The following NLRC5 variants were observed in gnomAD, a reference collection of about 807,000 sequenced individuals.
The protein encoded by NLRC5 is protein NLRC5.
A neutral mutation model predicts 206.9 loss-of-function variants in NLRC5; 114 were observed. The observed-to-expected ratio is 0.55, with a 90% CI of 0.47 to 0.64. The LOEUF (loss-of-function observed/expected upper bound fraction) is 0.64, where lower values mean the gene tolerates loss of function less well. Ranked by LOEUF, NLRC5 falls within the 30% of genes least tolerant of loss-of-function variation. NLRC5 has a pLI of 0.00. For missense variants in NLRC5, 2,008 were observed against 2,305.5 expected (o/e 0.87, Z 2.64); for synonymous variants, 952 against 962.8 (o/e 0.99, Z 0.21).
intron 19 of NLRC5, 90 bp from the exon 20 acceptor site, chr16:57,043,424 AG>A: frequency 1.0e-6 from 1 of 978,272 alleles, no homozygotes; most frequent in Non-Finnish European, 1.7e-6. Flanking sequence ...ATCTGGAACC[AG>A]GGATCCCTCC....
Position 57,081,586 on chromosome 16 carries a change from AG to A in NLRC5, c.5469del (p.Ser1824LeufsTer21), listed in dbSNP as rs1225752093. On this transcript the variant is annotated frameshift_variant, in exon 48 of 49. Transcript: ENST00000688547. LOFTEE classifies it low-confidence loss of function (END_TRUNC). ...GAWLLAEGLA[Q>X]GSSIQVIRLW... Reference sequence around the variant, plus strand: ...TGGCTCCTGGCTGAAGGACTGGCCCAGGGGTCTAGCATCCAAGTCATCCGGT... The same window carrying A: ...TGGCTCCTGGCTGAAGGACTGGCCCAGGGTCTAGCATCCAAGTCATCCGGT... 1.2e-6 allele frequency: 2 copies of A among 1,613,944 alleles called. No individual in the cohort carries two copies. The highest frequency in any genetic ancestry group is 8.5e-7 in the Non-Finnish European group (1 of 1,179,968).
chr16:57,074,127 G>T, intron 38 of NLRC5: 1 of 158,794 alleles, frequency 6.3e-6, no homozygotes, highest in East Asian at 1.8e-4. Flanking sequence ...AAGTACAATC[G>T]CCTGGGTCAC....
At position 57,026,747 on chromosome 16, in the gene NLRC5, T is replaced by C. The variant is rs1023745981; in HGVS notation, c.1804T>C (p.Leu602=). The C allele has an allele frequency of 1.2e-6, 2 of 1,613,966 alleles. No individual in the cohort carries two copies. The highest frequency in any genetic ancestry group is 1.7e-6 in the Non-Finnish European group (2 of 1,179,912). Residue 602 remains leucine (L), a synonymous_variant, in exon 6 of 49, where the codon TTG becomes CTG. Transcript: ENST00000688547. The stretch of plus-strand genomic sequence containing the variant: ...TGCTGTAGTGCAGGTGTTGAAGAAG[T>C]TGGCCACCCGCAAGCTCACAGGGCC... The part of the protein sequence containing the change: ...QAAVVQVLKK[L]ATRKLTGPKV...
chr16:56,997,091 C>T (rs1428767894), intron 1 of NLRC5, among the ~76,000 whole-genome samples: 1 of 152,088 alleles, frequency 6.6e-6, no homozygotes, highest in African/African-American at 2.4e-5. Flanking sequence ...TGGCTGGTCT[C>T]GAACTTCCAG....
At chr16:57,033,710 T>A (rs2062147736) in intron 12 of NLRC5, 41 bp downstream of exon 12, 1 of 1,584,056 alleles carries the variant, frequency 6.3e-7, no homozygotes, top group African/African-American at 1.3e-5. Context: ...AGGGATATGA[T>A]ATGGGGGAAA....
At chr16:56,989,803 C>A (rs1193266773) in intron 1 of NLRC5, among the ~76,000 whole-genome samples, 186 bp downstream of exon 1, 1 of 152,148 alleles carries the variant, frequency 6.6e-6, no homozygotes, top group Non-Finnish European at 1.5e-5. Context: ...GCCAGTGGCC[C>A]GGCAGCGCGC....
chr16:57,076,990 C>A, intron 40 of NLRC5, 88 bp downstream of exon 40: 1 of 1,135,992 alleles, frequency 8.8e-7, no homozygotes, highest in Non-Finnish European at 1.3e-6. Context: ...ACGCCCTTTG[C>A]TTCTTCATCT....
chr16:57,021,390 G>C (rs572848270), intron 3 of NLRC5, among the ~76,000 whole-genome samples: 16 of 152,112 alleles, frequency 1.1e-4, no homozygotes, highest in Non-Finnish European at 2.4e-4. Context: ...ACAAGGTCTT[G>C]CTCTGTTGCC....
chr16:56,994,581 G>A (rs1201290419), intron 1 of NLRC5, among the ~76,000 whole-genome samples: 1 of 152,198 alleles, frequency 6.6e-6, no homozygotes, highest in Non-Finnish European at 1.5e-5. Context: ...AGAAGGCAAG[G>A]CAGGCGAGGG....
chr16:56,993,548 T>TC (rs1269533453), intron 1 of NLRC5, among the ~76,000 whole-genome samples: 5 of 152,074 alleles, frequency 3.3e-5, no homozygotes, highest in Admixed American at 1.3e-4. Flanking sequence ...AGGCAAATTA[T>TC]CCCCCCTTAA....
chr16:57,063,762 G>A (rs1180068219), intron 32 of NLRC5, among the ~76,000 whole-genome samples: 7 of 151,268 alleles, frequency 4.6e-5, no homozygotes, highest in African/African-American at 1.5e-4. Flanking sequence ...TTTTTGAGAC[G>A]GAGTCTCGCT....
At chr16:57,000,483 G>GGGAGTGCAGGCATGAATT (rs2058116639) in intron 1 of NLRC5, among the ~76,000 whole-genome samples, 1 of 152,094 alleles carries the variant, frequency 6.6e-6, no homozygotes, top group Non-Finnish European at 1.5e-5. Flanking sequence ...GCCTGAGGCT[G>GGGAGTGCAGGCATGAATT]GGAGTGCAGG....
intron 12 of NLRC5, 46 bp downstream of exon 12, chr16:57,033,715 G>T: frequency 6.4e-7 from 1 of 1,570,698 alleles, no homozygotes; most frequent in Admixed American, 1.7e-5. Context: ...TATGATATGG[G>T]GGAAAGTCCG....
chr16:57,079,049 G>A lies in NLRC5; in HGVS notation c.5082-1G>A. ...CCTCTCACCCTCTCCTCTTTCCCCAGCCTACCATTCAGCCATCTGGGCCCA... is the reference window on the plus strand; with the variant it reads ...CCTCTCACCCTCTCCTCTTTCCCCAACCTACCATTCAGCCATCTGGGCCCA... On this transcript the variant is annotated splice_acceptor_variant, in intron 43 of 48. Transcript: ENST00000688547. LOFTEE classifies it high-confidence loss of function. 5 of 1,613,902 alleles carry A rather than the reference G, an allele frequency of 3.1e-6. No individual in the cohort carries two copies. The highest frequency in any genetic ancestry group is 4.2e-6 in the Non-Finnish European group (5 of 1,179,830).
intron 1 of NLRC5, among the ~76,000 whole-genome samples, chr16:57,005,536 G>A (rs1310914581): frequency 6.6e-6 from 1 of 151,788 alleles, no homozygotes; most frequent in Non-Finnish European, 1.5e-5. Context: ...AGTGAACTTG[G>A]GAGGTTTGAA....
chr16:56,992,159 C>G (rs1369434800), intron 1 of NLRC5: 1 of 152,164 alleles, frequency 6.6e-6, no homozygotes, highest in African/African-American at 2.4e-5. Flanking sequence ...TCTCCTCCAG[C>G]CTTCAGAGGG....
chr16:57,049,397 G>T (rs372805805), intron 23 of NLRC5, among the ~76,000 whole-genome samples: 1 of 152,306 alleles, frequency 6.6e-6, no homozygotes, highest in East Asian at 1.9e-4. Context: ...TGGGATGCGG[G>T]CTCTGCTGGC....
At chr16:57,067,507 C>G (rs2067197556) in intron 35 of NLRC5, 37 bp downstream of exon 35, 1 of 1,589,260 alleles carries the variant, frequency 6.3e-7, no homozygotes. Context: ...GCCCTGAGTT[C>G]TCTGGTTGAC....
At position 57,026,546 on chromosome 16, in the gene NLRC5, G is replaced by A. The variant is rs1336922002; in HGVS notation, c.1603G>A (p.Asp535Asn). The change falls in exon 6 of 49, where the codon GAC becomes AAC. Residue 535 changes from aspartate (D) to asparagine (N), a missense_variant. Asp to Asn is a conservative substitution (Grantham distance 23). Coordinates refer to ENST00000688547, the MANE Select transcript of NLRC5 (RefSeq NM_001384950.1). Reference protein sequence around the residue: ...HLMASPKVNKDTLTQYVTLHS... With the variant: ...HLMASPKVNKNTLTQYVTLHS... ...GATGGCCAGCCCCAAGGTGAACAAAGACACACTTACCCAGTATGTTACCCT... is the reference window on the plus strand; with the variant it reads ...GATGGCCAGCCCCAAGGTGAACAAAAACACACTTACCCAGTATGTTACCCT... The A allele has an allele frequency of 6.2e-7, 1 of 1,614,194 alleles. No individual in the cohort carries two copies.
Sources: allele counts gnomAD v4.1 joint callset (sites outside exome capture counted in the v4.1 genomes callset), GRCh38; gene constraint gnomAD v4.1.1; transcripts MANE v1.5; gene names NCBI Gene and HGNC (gene_info 2026-07-23, HGNC 2026-07-21).